Variants in INTS6 observed in about 807,000 individuals in gnomAD.
INTS6 encodes integrator complex subunit 6, also known as DEAD box protein.
A neutral mutation model predicts 104.9 loss-of-function variants in INTS6; 16 were observed. The observed-to-expected ratio is 0.15, with a 90% CI of 0.10 to 0.23. INTS6 has a LOEUF of 0.23. Ranked by LOEUF, INTS6 falls within the 10% of genes least tolerant of loss-of-function variation. INTS6 has a pLI of 1.00. For synonymous variants in INTS6, 324 were observed against 358.7 expected (o/e 0.90, Z 1.09); for missense variants, 584 against 1,062.8 (o/e 0.55, Z 6.26).
intron 16 of INTS6, 139 bp from the exon 17 acceptor site, chr13:51,368,037 G>C (rs962485618): frequency 1.4e-5 from 7 of 507,002 alleles, no homozygotes; most frequent in Non-Finnish European, 2.4e-5. Flanking sequence ...ACTCATTAGA[G>C]ATTTTATATT....
chr13:51,359,374 C>T (rs1359607059), downstream of INTS6, among the ~76,000 whole-genome samples: 1 of 152,108 alleles, frequency 6.6e-6, no homozygotes, highest in African/African-American at 2.4e-5. Context: ...GAAATGTCAA[C>T]TCTTACCAGA....
chr13:51,376,530 T>C (rs1477918927), intron 12 of INTS6, among the ~76,000 whole-genome samples: 1 of 152,180 alleles, frequency 6.6e-6, no homozygotes, highest in Non-Finnish European at 1.5e-5. Flanking sequence ...TAAAATCACC[T>C]ATTTTAAGTA....
At chr13:51,408,630 T>C (rs1956621381) in intron 4 of INTS6, among the ~76,000 whole-genome samples, 1 of 152,216 alleles carries the variant, frequency 6.6e-6, no homozygotes, top group African/African-American at 2.4e-5. Flanking sequence ...TGTATGTCCC[T>C]ATTTGTGAAA....
chr13:51,357,917 G>A (rs1955505154), downstream of INTS6, among the ~76,000 whole-genome samples: 3 of 152,116 alleles, frequency 2.0e-5, no homozygotes, highest in Non-Finnish European at 4.4e-5. Context: ...TGCTCGGTAA[G>A]AAGTACAAGT....
chr13:51,367,912 A>C lies in INTS6; in HGVS notation c.2477-14T>G, dbSNP rs1955724364. 6.9e-7 allele frequency: 1 copy of C among 1,443,406 alleles called. No individual in the cohort carries two copies. The allele number at this position is 1,443,406 out of a possible 1,614,324, so 89.4% of individuals were successfully genotyped here. On this transcript the variant is annotated splice_polypyrimidine_tract_variant and intron_variant, in intron 16 of 17. Transcript: ENST00000311234. ...TTCTTTCATATTCTTAAAGCAAAAG[A>C]AACAAAAAGAAAAATTAAGTGCCTT...
chr13:51,446,066 TA>T (rs1952909839), intron 3 of INTS6: 1 of 152,108 alleles, frequency 6.6e-6, no homozygotes, highest in Non-Finnish European at 1.5e-5. Context: ...AAAGTAAAAA[TA>T]TGTAACTGGA....
intron 3 of INTS6, chr13:51,449,637 T>G (rs1952993745): frequency 1.0e-6 from 1 of 985,194 alleles, no homozygotes; most frequent in Non-Finnish European, 1.2e-6. Flanking sequence ...ATGGCAAGTT[T>G]TAAATATCTC....
intron 4 of INTS6, among the ~76,000 whole-genome samples, chr13:51,395,951 C>T (rs548292486): frequency 6.6e-6 from 1 of 152,250 alleles, no homozygotes; most frequent in East Asian, 1.9e-4. Flanking sequence ...GTACGCAACA[C>T]CACGCCCAGC....
chr13:51,395,616 T>C, intron 4 of INTS6, 133 bp from the exon 5 acceptor site: 1 of 766,644 alleles, frequency 1.3e-6, no homozygotes, highest in Non-Finnish European at 2.0e-6. Context: ...ATATAAAAGC[T>C]TACTTGTTCA....
At chr13:51,435,516 G>C (rs1344245686) in intron 3 of INTS6, among the ~76,000 whole-genome samples, 1 of 151,702 alleles carries the variant, frequency 6.6e-6, no homozygotes, top group Non-Finnish European at 1.5e-5. Flanking sequence ...TCAATAATAA[G>C]AAAATTTAAA....
chr13:51,347,286 AG>A, the INTS6 span: 2 of 1,515,254 alleles, frequency 1.3e-6, no homozygotes, highest in Non-Finnish European at 1.8e-6. Flanking sequence ...CCTGGGCCTG[AG>A]GGCAGGAGAG....
At chr13:51,415,031 C>T (rs1956761574) in intron 4 of INTS6, among the ~76,000 whole-genome samples, 1 of 151,946 alleles carries the variant, frequency 6.6e-6, no homozygotes, top group African/African-American at 2.4e-5. Context: ...GTATACTAAA[C>T]AGATCTGCCT....
At chr13:51,371,298 C>T (rs1354325957) in intron 15 of INTS6, among the ~76,000 whole-genome samples, 3 of 152,286 alleles carry the variant, frequency 2.0e-5, no homozygotes, top group African/African-American at 7.2e-5. Flanking sequence ...TCGCCTTTCA[C>T]ATCCAGACAA....
intron 4 of INTS6, among the ~76,000 whole-genome samples, chr13:51,426,270 G>C (rs1424794256): frequency 1.3e-5 from 2 of 151,974 alleles, no homozygotes; most frequent in Non-Finnish European, 2.9e-5. Context: ...TGACAAACAA[G>C]TTATAAGAAA....
intron 3 of INTS6, chr13:51,438,119 CA>C: frequency 6.6e-6 from 1 of 152,168 alleles, no homozygotes; most frequent in Middle Eastern, 3.4e-3. Flanking sequence ...GGTACTAACC[CA>C]ACATTGCTAA....
intron 7 of INTS6, 47 bp downstream of exon 7, chr13:51,387,339 G>C (rs746797091): frequency 6.6e-7 from 1 of 1,503,980 alleles, no homozygotes; most frequent in South Asian, 1.3e-5. Flanking sequence ...TAATAGGAAA[G>C]ACAGCTGAAT....
intron 4 of INTS6, among the ~76,000 whole-genome samples, chr13:51,415,009 C>G (rs1047089636): frequency 6.6e-6 from 1 of 151,962 alleles, no homozygotes; most frequent in Non-Finnish European, 1.5e-5. Context: ...TGAAATGATG[C>G]AGTGGAAAAA....
At chr13:51,380,659 G>T (rs1956029529) in intron 10 of INTS6, among the ~76,000 whole-genome samples, 1 of 152,094 alleles carries the variant, frequency 6.6e-6, no homozygotes, top group African/African-American at 2.4e-5. Context: ...GATTTAGAAA[G>T]ATTATTTATA....
downstream of INTS6, among the ~76,000 whole-genome samples, chr13:51,353,342 G>A (rs1215923641): frequency 6.6e-6 from 1 of 152,104 alleles, no homozygotes; most frequent in East Asian, 1.9e-4. Flanking sequence ...AAGTGCATGG[G>A]CTGTGCTGGG....
Sources: gnomAD v4.1 joint callset for allele counts (sites outside exome capture counted in the v4.1 genomes callset) on GRCh38, gnomAD v4.1.1 for gene constraint, MANE v1.5 for transcripts, NCBI Gene and HGNC (gene_info 2026-07-23, HGNC 2026-07-21) for gene names.